Variants in CHD4 observed in about 807,000 individuals in gnomAD.
The protein encoded by CHD4 is chromodomain helicase DNA binding protein 4.
In CHD4, 35 loss-of-function variants were observed where a neutral mutation model predicts 235.5. The ratio of observed to expected loss-of-function variants is 0.15; its 90% CI spans 0.11 to 0.20. The LOEUF (loss-of-function observed/expected upper bound fraction) is 0.20. CHD4 is among the 10% of genes least tolerant of loss of function. CHD4 has a pLI of 1.00. For missense variants in CHD4, 1,329 were observed against 2,432.3 expected, an observed-to-expected ratio of 0.55 and a Z score of 9.54; for synonymous variants, 900 against 850.2, an observed-to-expected ratio of 1.06 and a Z score of -1.02.
intron 22 of CHD4, among the ~76,000 whole-genome samples, chr12:6,590,903 T>C (rs1033460187): frequency 4.6e-5 from 7 of 151,174 alleles, no homozygotes; most frequent in Non-Finnish European, 8.8e-5. Context: ...GGTGGGCGGA[T>C]CATGAGGTCA....
intron 37 of CHD4, among the ~76,000 whole-genome samples, chr12:6,575,912 C>T (rs988771245): frequency 1.3e-5 from 2 of 152,202 alleles, no homozygotes; most frequent in African/African-American, 2.4e-5. Flanking sequence ...CTTTGCCCAA[C>T]CTAATCCCTT....
chr12:6,596,433 T>C (rs1399784161), intron 12 of CHD4, among the ~76,000 whole-genome samples: 1 of 150,234 alleles, frequency 6.7e-6, no homozygotes, highest in Non-Finnish European at 1.5e-5. Context: ...GCAGATCGCT[T>C]GAGGCCAGGA....
intron 13 of CHD4, 41 bp from the exon 14 acceptor site, chr12:6,595,471 T>C: frequency 6.4e-7 from 1 of 1,573,866 alleles, no homozygotes; most frequent in South Asian, 1.1e-5. Flanking sequence ...AAAATCCTTT[T>C]CTATAGAAGA....
intron 15 of CHD4, 122 bp downstream of exon 15, chr12:6,594,337 C>G (rs1948448776): frequency 1.3e-6 from 1 of 760,832 alleles, no homozygotes; most frequent in Non-Finnish European, 2.2e-6. Context: ...TATCTATTAT[C>G]CACAGTGTTC....
chr12:6,572,974 A>G (rs1290221016), intron 38 of CHD4, 100 bp downstream of exon 38: 2 of 1,227,872 alleles, frequency 1.6e-6, no homozygotes, highest in Non-Finnish European at 2.3e-6. Context: ...AAACTCCCAG[A>G]CAAAGGAGCT....
At chr12:6,600,819 C>T (rs546024885) in intron 7 of CHD4, 107 bp downstream of exon 7, 17 of 1,498,788 alleles carry the variant, frequency 1.1e-5, no homozygotes, top group African/African-American at 5.6e-5. Flanking sequence ...CTGTGGGAAA[C>T]GCCCCACATT....
intron 9 of CHD4, 46 bp downstream of exon 9, chr12:6,600,171 C>T (rs1279565487): frequency 1.9e-6 from 3 of 1,605,200 alleles, no homozygotes; most frequent in East Asian, 4.5e-5. Context: ...ACTGTCCCAC[C>T]CTTCTTCTCA....
rs958007379 is a variant in CHD4, at chr12:6,602,059, G to C, written c.339C>G (p.Gly113=). The C allele has an allele frequency of 1.8e-5, 29 of 1,612,890 alleles. 1 individual carries two copies. The highest frequency in any genetic ancestry group is 3.4e-6 in the Non-Finnish European group (4 of 1,179,830). ...GTCCAAGCTTCTTCTTCTTCTTCTT[G>C]CCAGGAGTATAGTCGCTGCCCTCAC... The part of the protein sequence containing the change: ...SDSEGSDYTP[G]KKKKKKLGPK... Residue 113 remains glycine (G), a synonymous_variant, in exon 4 of 40, where the codon GGC becomes GGG. Transcript: ENST00000544040.
Position 6,596,057 on chromosome 12 carries a change from T to A in CHD4, c.1973A>T (p.Asp658Val). ...CAGGTCGTAATCCTGGATCTCCACA[T>A]CCTCACTCTCCCAAGAAGCCTGATC... ...PYDQASWESE[D>V]VEIQDYDLFK... The change falls in exon 13 of 40, where the codon GAT becomes GTT. Residue 658 changes from aspartate to valine, a missense_variant. Physicochemically the swap from Asp to Val is radical, Grantham distance 152. This residue lies in a region of CHD4 where 121 missense variants were observed against 177.8 expected (regional missense o/e 0.68). Transcript: ENST00000544040. The A allele has an allele frequency of 1.2e-6, 2 of 1,613,436 alleles. No homozygotes were observed. The highest frequency in any genetic ancestry group is 2.2e-5 in the East Asian group (1 of 44,844).
At position 6,606,442 on chromosome 12, in the gene CHD4, G is replaced by T; in HGVS notation, c.-69C>A. ...CGGCGGCCTGAGGACCTCTACACTG[G>T]CCCGAGTCACTGTGCGGGGGAGGGG... is the stretch of plus-strand genomic sequence containing the variant. On this transcript the variant is annotated 5_prime_UTR_variant, in exon 2 of 40. Coordinates refer to ENST00000544040, the MANE Select transcript of CHD4 (RefSeq NM_001273.5). 2 of 924,982 alleles carry T rather than the reference G, an allele frequency of 2.2e-6. No homozygotes were observed. Among genetic ancestry groups the T allele is most frequent in the Non-Finnish European group, 3.3e-6 (2 of 610,106 alleles). 57.3% of individuals were successfully genotyped at this position (924,982 alleles called of 1,614,324 possible).
At chr12:6,604,987 G>A (rs1948665573) in intron 2 of CHD4, among the ~76,000 whole-genome samples, 1 of 152,028 alleles carries the variant, frequency 6.6e-6, no homozygotes, top group Non-Finnish European at 1.5e-5. Context: ...CCTTGGGCAA[G>A]GGCATGGAAA....
chr12:6,576,417 A>G (rs1024537351), intron 37 of CHD4, among the ~76,000 whole-genome samples: 3 of 152,142 alleles, frequency 2.0e-5, no homozygotes, highest in Non-Finnish European at 2.9e-5. Flanking sequence ...CAATGGCACA[A>G]TCTAGGCTCA....
At chr12:6,588,475 T>A in intron 22 of CHD4, 53 bp from the exon 23 acceptor site, 1 of 1,593,096 alleles carries the variant, frequency 6.3e-7, no homozygotes, top group Non-Finnish European at 8.6e-7. Context: ...TTCCAATTCA[T>A]AAATGTAGTT....
At position 6,598,087 on chromosome 12, in the gene CHD4, A is replaced by G. The variant is rs1948530107; in HGVS notation, c.1699T>C (p.Cys567Arg). ...WVSELQLELH[C>R]QVMFRNYQRK... ...TGATAGTTTCGGAACATCACCTGAC[A>G]GTGCAGCTCCAGCTTTGAGCGGAAA... Residue 567 changes from cysteine to arginine, a missense_variant, in exon 12 of 40, where the codon TGT (cysteine) becomes CGT (arginine). Transcript: ENST00000544040. The G allele has an allele frequency of 6.2e-7, 1 of 1,614,114 alleles. No homozygotes were observed. The highest frequency in any genetic ancestry group is 1.3e-5 in the African/African-American group (1 of 74,942).
intron 33 of CHD4, chr12:6,580,704 G>GAAGAAAAAAAAAAA (rs1948166345): frequency 1.4e-4 from 6 of 43,314 alleles, no homozygotes; most frequent in Admixed American, 1.4e-3. Context: ...AAACTCCTTT[G>GAAGAAAAAAAAAAA]AAAAAAAAAA....
chr12:6,590,890 C>T lies in CHD4; in HGVS notation c.3340+576G>A, dbSNP rs965825635. ...CTGTAATCCCAGCACTTTGGGAGGC[C>T]GAGGTGGGCGGATCATGAGGTCAGG... On this transcript the variant is annotated intron_variant, in intron 22 of 39. Transcript: ENST00000544040. Among the ~76,000 whole-genome samples, 12 of 151,478 alleles carry T rather than the reference C, an allele frequency of 7.9e-5. No homozygotes were observed. The South Asian group carries it at 2.3e-3, about 29-fold the overall frequency.
intron 22 of CHD4, among the ~76,000 whole-genome samples, chr12:6,590,641 A>G (rs991512378): frequency 2.4e-4 from 37 of 152,272 alleles, no homozygotes; most frequent in African/African-American, 8.4e-4. Flanking sequence ...CAACATGGCA[A>G]GACCCCATCT....
intron 22 of CHD4, among the ~76,000 whole-genome samples, chr12:6,589,795 TCAC>T (rs900042480): frequency 1.3e-5 from 2 of 151,116 alleles, no homozygotes; most frequent in Admixed American, 1.3e-4. Flanking sequence ...GGACACATCA[TCAC>T]CTCTGTGGCA....
chr12:6,582,584 C>G, intron 29 of CHD4, 31 bp downstream of exon 29: 1 of 1,589,826 alleles, frequency 6.3e-7, no homozygotes, highest in South Asian at 1.2e-5. Flanking sequence ...AGCCCTTGCT[C>G]TAGATCAGTC....
Sources: allele counts gnomAD v4.1 joint callset (sites outside exome capture counted in the v4.1 genomes callset), GRCh38; gene constraint gnomAD v4.1.1; regional missense constraint gnomAD v4.1.1; transcripts MANE v1.5; gene names NCBI Gene and HGNC (gene_info 2026-07-23, HGNC 2026-07-21).